Variants in CDYL2 observed in about 807,000 individuals in gnomAD.
CDYL2 encodes chromodomain Y-like protein 2.
In CDYL2, 23 loss-of-function variants were observed where a neutral mutation model predicts 49.4. That is an observed-to-expected ratio of 0.47 (90% CI 0.34 to 0.66). CDYL2 has a LOEUF of 0.66. Among genes scored for constraint, CDYL2 ranks in the 30% least tolerant of loss-of-function variants. The pLI is 0.01. For synonymous variants in CDYL2, 360 were observed against 268.8 expected, an observed-to-expected ratio of 1.34 and a Z score of -3.32; for missense variants, 678 against 656.4, an observed-to-expected ratio of 1.03 and a Z score of -0.36.
intron 1 of CDYL2, among the ~76,000 whole-genome samples, chr16:80,722,249 T>A (rs1905022148): frequency 6.6e-6 from 1 of 152,104 alleles, no homozygotes; most frequent in African/African-American, 2.4e-5. Flanking sequence ...AAAAAACCAA[T>A]GTCCACCCCC....
intron 1 of CDYL2, among the ~76,000 whole-genome samples, chr16:80,728,933 A>C (rs538530107): frequency 2.5e-3 from 383 of 151,912 alleles, no homozygotes; most frequent in Middle Eastern, 0.01. Flanking sequence ...GCCTGCCCTA[A>C]AAGAGCTCCT....
chr16:80,740,003 T>C (rs113725869), intron 1 of CDYL2, among the ~76,000 whole-genome samples: 14 of 152,282 alleles, frequency 9.2e-5, no homozygotes, highest in African/African-American at 3.1e-4. Flanking sequence ...GTCTTCCCCA[T>C]GTGGCTGTGG....
chr16:80,623,966 C>T (rs1271193519), intron 3 of CDYL2, among the ~76,000 whole-genome samples: 1 of 152,180 alleles, frequency 6.6e-6, no homozygotes, highest in African/African-American at 2.4e-5. Context: ...GAGCCAGGAT[C>T]TGAAAGTGAG....
At chr16:80,698,625 C>G (rs970698313) in intron 1 of CDYL2, among the ~76,000 whole-genome samples, 1 of 152,100 alleles carries the variant, frequency 6.6e-6, no homozygotes, top group Non-Finnish European at 1.5e-5. Flanking sequence ...AACTGCCATC[C>G]TCCCTTGGTA....
chr16:80,694,956 T>A (rs1910562322), intron 1 of CDYL2, among the ~76,000 whole-genome samples: 1 of 152,182 alleles, frequency 6.6e-6, no homozygotes, highest in Non-Finnish European at 1.5e-5. Flanking sequence ...ACAATCTGAG[T>A]AACAGAACAA....
intron 1 of CDYL2, among the ~76,000 whole-genome samples, chr16:80,776,455 G>A (rs919245355): frequency 4.6e-5 from 7 of 151,920 alleles, no homozygotes; most frequent in East Asian, 1.9e-4. Context: ...CATAGCAGCC[G>A]TCTGTAATAT....
At chr16:80,764,084 T>G (rs112206504) in intron 1 of CDYL2, among the ~76,000 whole-genome samples, 28 of 152,280 alleles carry the variant, frequency 1.8e-4, no homozygotes, top group African/African-American at 6.7e-4. Flanking sequence ...AAAGATGGTA[T>G]GATTTAATAT....
chr16:80,648,118 A>T lies in CDYL2; in HGVS notation c.617-14882T>A, dbSNP rs1421326082. ...TCTTAAAGAACAAGAAAGCAAGAGC[A>T]AACCAAACCCAAAATTAGTAGATGA... On this transcript the variant is annotated intron_variant, in intron 2 of 6. Transcript: ENST00000570137. 4.6e-5 allele frequency among the ~76,000 whole-genome samples: 7 copies of T among 152,278 alleles called. No individual in the cohort carries two copies. In the East Asian group the frequency reaches 1.3e-3, roughly 29 times the overall value.
intron 2 of CDYL2, among the ~76,000 whole-genome samples, chr16:80,649,001 CA>C (rs1419335819): frequency 1.3e-5 from 2 of 152,000 alleles, no homozygotes; most frequent in African/African-American, 4.8e-5. Flanking sequence ...CTCAACATAA[CA>C]AAAGCTACAT....
intron 1 of CDYL2, among the ~76,000 whole-genome samples, chr16:80,750,395 TC>T (rs1053756132): frequency 3.8e-5 from 5 of 132,018 alleles, no homozygotes; most frequent in African/African-American, 1.1e-4. Context: ...GTAGACTGGA[TC>T]CAAAAAAAAA....
At chr16:80,691,907 A>G (rs1481512043) in intron 1 of CDYL2, among the ~76,000 whole-genome samples, 1 of 152,228 alleles carries the variant, frequency 6.6e-6, no homozygotes, top group African/African-American at 2.4e-5. Flanking sequence ...AGGGAATAAA[A>G]TTCCCGCTGG....
chr16:80,715,529 C>A (rs949659967), intron 1 of CDYL2, among the ~76,000 whole-genome samples: 1 of 152,150 alleles, frequency 6.6e-6, no homozygotes, highest in Admixed American at 6.5e-5. Flanking sequence ...TGCTGTGGGA[C>A]ACCAGCTCTC....
chr16:80,608,552 C>T (rs1387810310), intron 5 of CDYL2, among the ~76,000 whole-genome samples: 3 of 152,108 alleles, frequency 2.0e-5, no homozygotes, highest in Admixed American at 1.3e-4. Context: ...ATTTCAGAGC[C>T]GATGACCCAG....
At chr16:80,635,317 C>A (rs938069591) in intron 2 of CDYL2, among the ~76,000 whole-genome samples, 8 of 152,022 alleles carry the variant, frequency 5.3e-5, no homozygotes, top group Non-Finnish European at 8.8e-5. Context: ...TTTAGAAAAC[C>A]CCATCATCTC....
At chr16:80,765,876 CAA>C (rs554710623) in intron 1 of CDYL2, among the ~76,000 whole-genome samples, 5 of 47,164 alleles carry the variant, frequency 1.1e-4, no homozygotes, top group African/African-American at 3.7e-4. Context: ...CCCTCATCTA[CAA>C]AAAAAAAAAA....
At chr16:80,672,500 AG>A (rs1909559940) in intron 2 of CDYL2, among the ~76,000 whole-genome samples, 1 of 149,294 alleles carries the variant, frequency 6.7e-6, no homozygotes, top group Non-Finnish European at 1.5e-5. Context: ...AAAGAAGGAA[AG>A]GAAAGAAGGA....
chr16:80,674,368 GCAGTAGGGAAA>G (rs1176102870), intron 2 of CDYL2, among the ~76,000 whole-genome samples: 1 of 152,188 alleles, frequency 6.6e-6, no homozygotes, highest in Non-Finnish European at 1.5e-5. Context: ...CACATGGCAA[GCAGTAGGGAAA>G]CGGTAGCTGT....
At chr16:80,742,100 G>A (rs1195178547) in intron 1 of CDYL2, 1 of 152,156 alleles carries the variant, frequency 6.6e-6, no homozygotes, top group Non-Finnish European at 1.5e-5. Context: ...TTTTACAGAT[G>A]AGAAAACTGA....
chr16:80,726,769 G>GCAA (rs547653136), intron 1 of CDYL2, among the ~76,000 whole-genome samples: 11 of 150,570 alleles, frequency 7.3e-5, no homozygotes, highest in African/African-American at 2.2e-4. Context: ...AGTATCAATA[G>GCAA]CAACAACAAC....
Sources: allele counts gnomAD v4.1 joint callset (sites outside exome capture counted in the v4.1 genomes callset), GRCh38; gene constraint gnomAD v4.1.1; transcripts MANE v1.5; gene names NCBI Gene and HGNC (gene_info 2026-07-23, HGNC 2026-07-21).